The following ARHGAP35 variants were observed in gnomAD, a reference collection of about 807,000 sequenced individuals.
The protein encoded by ARHGAP35 is Rho GTPase activating protein 35.
A neutral mutation model predicts 111.1 loss-of-function variants in ARHGAP35; 15 were observed. The ratio of observed to expected loss-of-function variants is 0.13; its 90% CI spans 0.09 to 0.21. ARHGAP35 has a LOEUF of 0.21. Ranked by LOEUF, ARHGAP35 falls within the 10% of genes least tolerant of loss-of-function variation. The pLI is 1.00. For synonymous variants in ARHGAP35, 643 were observed against 710.3 expected (o/e 0.91, Z 1.51); for missense variants, 1,262 against 1,873.0 (o/e 0.67, Z 6.02).
Position 46,999,059 on chromosome 19 carries a change from G to A in ARHGAP35, c.4037-245G>A. On this transcript the variant is annotated intron_variant, in intron 5 of 6. Transcript: ENST00000672722. The surrounding 1 kb of genome is among the most constrained non-coding windows in gnomAD (Gnocchi z 5.4). ...GTTCTGTCTTGGGTGGTGGGGGCCA[G>A]GAAGCCCCAGGCACACAGTGCCGCC... is the stretch of plus-strand genomic sequence containing the variant. 1 of 515,078 alleles carries A rather than the reference G, an allele frequency of 1.9e-6. No homozygotes were observed. Among genetic ancestry groups the A allele is most frequent in the Non-Finnish European group, 3.5e-6 (1 of 289,724 alleles). 31.9% of individuals were successfully genotyped at this position (515,078 alleles called of 1,614,324 possible).
chr19:46,895,995 G>A (rs1047747518), intron 1 of ARHGAP35, among the ~76,000 whole-genome samples: 4 of 152,104 alleles, frequency 2.6e-5, no homozygotes, highest in Admixed American at 1.3e-4. Context: ...CCAGCTACTC[G>A]GGAGGCTGAG....
chr19:46,862,802 C>G (rs775571519), intron 1 of ARHGAP35, among the ~76,000 whole-genome samples: 23 of 152,070 alleles, frequency 1.5e-4, no homozygotes, highest in South Asian at 4.2e-4. Context: ...ACAGTCTCTT[C>G]CCCCCACCAT....
intron 1 of ARHGAP35, among the ~76,000 whole-genome samples, chr19:46,866,183 C>G (rs577054169): frequency 6.6e-6 from 1 of 152,270 alleles, no homozygotes; most frequent in South Asian, 2.1e-4. Flanking sequence ...TTCATCACAG[C>G]ACTATCCATG....
intron 3 of ARHGAP35, among the ~76,000 whole-genome samples, chr19:46,964,973 C>G (rs1266879932): frequency 6.6e-6 from 1 of 152,214 alleles, no homozygotes; most frequent in African/African-American, 2.4e-5. Context: ...TAGCCTTCCC[C>G]TATATTTTGT....
rs1568490003 is a variant in ARHGAP35 at position 46,993,165 on chromosome 19, G to T, written c.4036+3490G>T. ...CGTGTCTCCAGGGGAAGGACAGCTT[G>T]GATTCTCCATCCTGAGCCCTGCAGA... On this transcript the variant is annotated intron_variant, in intron 5 of 6. Coordinates refer to ENST00000672722, the MANE Select transcript of ARHGAP35 (RefSeq NM_004491.5). The surrounding 1 kb of genome is among the most constrained non-coding windows in gnomAD (Gnocchi z 4.6). 6.6e-6 allele frequency among the ~76,000 whole-genome samples: 1 copy of T among 152,240 alleles called. No individual in the cohort carries two copies. Among genetic ancestry groups the T allele is most frequent in the African/African-American group, 2.4e-5 (1 of 41,460 alleles).
At chr19:46,990,667 G>A (rs780009613) in intron 5 of ARHGAP35, among the ~76,000 whole-genome samples, 1 of 152,214 alleles carries the variant, frequency 6.6e-6, no homozygotes, top group Admixed American at 6.5e-5. Flanking sequence ...TAAAGAGGGA[G>A]CTTTAAACAA....
intron 2 of ARHGAP35, among the ~76,000 whole-genome samples, chr19:46,930,612 C>T (rs964150924): frequency 6.8e-6 from 1 of 147,960 alleles, no homozygotes; most frequent in Admixed American, 6.9e-5. Context: ...TATTTTCTGA[C>T]TCTAAAATCT....
rs917259930 is a variant in ARHGAP35 at position 46,908,127 on chromosome 19, G to A, written c.-188-10361G>A. On this transcript the variant is annotated intron_variant, in intron 1 of 6. Transcript: ENST00000672722. The surrounding 1 kb of genome is among the most constrained non-coding windows in gnomAD (Gnocchi z 4.2). ...TGGACGCAGCCTCCACTCTTCTTGC[G>A]TCAGGGACATTTATATAGAGAATGT... Among the ~76,000 whole-genome samples, 7 of 152,114 alleles carry A rather than the reference G, an allele frequency of 4.6e-5. No homozygotes were observed. Among genetic ancestry groups the A allele is most frequent in the African/African-American group, 1.4e-4 (6 of 41,412 alleles).
rs191930395 is a variant in ARHGAP35 at position 46,865,878 on chromosome 19, T to A, written c.-189+4669T>A. On this transcript the variant is annotated intron_variant, in intron 1 of 6. Coordinates refer to ENST00000672722, the MANE Select transcript of ARHGAP35 (RefSeq NM_004491.5). ...TTTTTGAGATGGAGTTTCCCTCCTGTTGCCCAGGCTGGAGTGCAATGGCGC... is the reference window on the plus strand; with the variant it reads ...TTTTTGAGATGGAGTTTCCCTCCTGATGCCCAGGCTGGAGTGCAATGGCGC... 1.8e-4 allele frequency among the ~76,000 whole-genome samples: 28 copies of A among 152,326 alleles called. 1 individual carries two copies. In the East Asian group the frequency reaches 5.0e-3, roughly 27 times the overall value.
intron 1 of ARHGAP35, among the ~76,000 whole-genome samples, chr19:46,879,271 A>G (rs577182158): frequency 2.0e-5 from 3 of 152,232 alleles, no homozygotes; most frequent in East Asian, 1.9e-4. Flanking sequence ...CCTGGCCAAC[A>G]TGGAGAAACC....
intron 3 of ARHGAP35, among the ~76,000 whole-genome samples, chr19:46,944,290 C>T (rs1442672543): frequency 1.3e-5 from 2 of 149,054 alleles, no homozygotes; most frequent in East Asian, 3.9e-4. Context: ...CAGAGTAAGA[C>T]CCTGTCTCAA....
At chr19:46,945,000 C>G (rs953998178) in intron 3 of ARHGAP35, among the ~76,000 whole-genome samples, 1 of 152,166 alleles carries the variant, frequency 6.6e-6, no homozygotes. Context: ...TCAGATTGAT[C>G]TGCAGATGCT....
At chr19:46,923,247 G>A (rs1229901298) in intron 2 of ARHGAP35, among the ~76,000 whole-genome samples, 1 of 152,058 alleles carries the variant, frequency 6.6e-6, no homozygotes, top group Non-Finnish European at 1.5e-5. Flanking sequence ...TGGGACTACA[G>A]GCGCCCGCCA....
intron 3 of ARHGAP35, among the ~76,000 whole-genome samples, chr19:46,973,510 A>G (rs993841082): frequency 1.3e-5 from 2 of 151,640 alleles, no homozygotes; most frequent in African/African-American, 2.4e-5. Flanking sequence ...TAACACAGTG[A>G]AACCCCCTCT....
At chr19:46,976,625 G>A (rs1027667717) in intron 3 of ARHGAP35, among the ~76,000 whole-genome samples, 1 of 152,252 alleles carries the variant, frequency 6.6e-6, no homozygotes, top group South Asian at 2.1e-4. Flanking sequence ...TGGGGAGCTC[G>A]GGCAGACAGG....
At chr19:46,942,239 G>A (rs1342919972) in intron 3 of ARHGAP35, among the ~76,000 whole-genome samples, 1 of 152,206 alleles carries the variant, frequency 6.6e-6, no homozygotes, top group African/African-American at 2.4e-5. Context: ...GATGTTTCTT[G>A]TAGTCTTATT....
At chr19:46,882,532 G>T (rs1409717696) in intron 1 of ARHGAP35, among the ~76,000 whole-genome samples, 1 of 152,034 alleles carries the variant, frequency 6.6e-6, no homozygotes, top group African/African-American at 2.4e-5. Flanking sequence ...TGTGCAGAAC[G>T]TGCAGATTTG....
At chr19:46,888,263 T>A (rs1356979031) in intron 1 of ARHGAP35, among the ~76,000 whole-genome samples, 3 of 684 alleles carry the variant, frequency 4.4e-3, no homozygotes, top group Non-Finnish European at 0.01. Flanking sequence ...CAATCAATAA[T>A]ATATATATAT....
At chr19:46,955,786 A>T (rs1470980615) in intron 3 of ARHGAP35, among the ~76,000 whole-genome samples, 2 of 152,138 alleles carry the variant, frequency 1.3e-5, no homozygotes, top group African/African-American at 2.4e-5. Context: ...GAAAAAAATG[A>T]TTTCCTTTTT....
Sources: gnomAD v4.1 joint callset for allele counts (sites outside exome capture counted in the v4.1 genomes callset) on GRCh38, gnomAD v4.1.1 for gene constraint, Gnocchi (gnomAD v3.1) non-coding constraint, MANE v1.5 for transcripts, NCBI Gene and HGNC (gene_info 2026-07-23, HGNC 2026-07-21) for gene names.